ROBO2: variants seen among roughly 807,000 people sequenced by gnomAD.
The protein encoded by ROBO2 is roundabout homolog 2.
Under a neutral mutation model 160.8 loss-of-function variants are expected in ROBO2, and 53 were observed. The observed-to-expected ratio is 0.33, with a 90% CI of 0.26 to 0.41. The LOEUF is 0.41. Ranked by LOEUF, ROBO2 falls within the 10% of genes least tolerant of loss-of-function variation. The pLI is 1.00. For missense variants in ROBO2, 1,577 were observed against 1,722.4 expected (o/e 0.92, Z 1.49); for synonymous variants, 664 against 611.7 (o/e 1.09, Z -1.26).
chr3:76,168,110 G>A (rs1041951380), intron 2 of ROBO2, among the ~76,000 whole-genome samples: 2 of 152,158 alleles, frequency 1.3e-5, no homozygotes, highest in East Asian at 3.9e-4. Flanking sequence ...ACTGCTGAAA[G>A]AAAGAAACCT....
At chr3:76,199,688 A>G (rs1288544597) in intron 2 of ROBO2, among the ~76,000 whole-genome samples, 1 of 152,174 alleles carries the variant, frequency 6.6e-6, no homozygotes, top group African/African-American at 2.4e-5. Flanking sequence ...AAAATGATCA[A>G]CACTCTGTCA....
chr3:77,583,152 CA>C (rs56827523), intron 16 of ROBO2, among the ~76,000 whole-genome samples: 11,661 of 53,644 alleles, frequency 0.22, 564 homozygotes, highest in Middle Eastern at 0.42. Flanking sequence ...TCTGTCTCTC[CA>C]AAAAAAAAAA....
intron 1 of ROBO2, among the ~76,000 whole-genome samples, chr3:77,096,768 G>A (rs765303879): frequency 2.6e-5 from 4 of 151,880 alleles, no homozygotes; most frequent in African/African-American, 7.3e-5. Flanking sequence ...GATTTCTTAC[G>A]CCCCTTATGG....
intron 2 of ROBO2, among the ~76,000 whole-genome samples, chr3:77,349,027 T>C (rs1217023233): frequency 6.6e-6 from 1 of 152,176 alleles, no homozygotes; most frequent in Non-Finnish European, 1.5e-5. Flanking sequence ...TCCTGTTTCC[T>C]GCCTTGCTTC....
chr3:76,500,801 C>T lies in ROBO2; in HGVS notation c.109+563199C>T, dbSNP rs137934668. On this transcript the variant is annotated intron_variant, in intron 2 of 26. Coordinates refer to the ROBO2 transcript ENST00000487694. ...TTCGCGGTTCAAAATTTTCTGAGAT[C>T]CTTCCCCTTAATTTTGAACAAGGGA... Among the ~76,000 whole-genome samples the T allele has an allele frequency of 2.7e-3, 406 of 152,254 alleles. 1 individual carries two copies. The highest frequency in any genetic ancestry group is 9.6e-3 in the African/African-American group (398 of 41,558).
At chr3:77,159,427 T>C (rs1054080911) in intron 2 of ROBO2, among the ~76,000 whole-genome samples, 1 of 152,160 alleles carries the variant, frequency 6.6e-6, no homozygotes, top group African/African-American at 2.4e-5. Context: ...GGTTCCCTGA[T>C]ACACCTAATG....
chr3:77,154,130 A>AT (rs1204774053), intron 2 of ROBO2, among the ~76,000 whole-genome samples: 1 of 151,544 alleles, frequency 6.6e-6, no homozygotes, highest in East Asian at 2.0e-4. Flanking sequence ...ACTGAAAAAA[A>AT]AACTTGTGAG....
At chr3:76,674,672 G>A in intron 2 of ROBO2, among the ~76,000 whole-genome samples, 1 of 150,952 alleles carries the variant, frequency 6.6e-6, no homozygotes, top group East Asian at 2.0e-4. Context: ...CAAACAAACA[G>A]TGCTTCTCAA....
intron 2 of ROBO2, among the ~76,000 whole-genome samples, chr3:76,796,189 C>G (rs898318097): frequency 1.3e-5 from 2 of 152,030 alleles, no homozygotes; most frequent in African/African-American, 4.8e-5. Flanking sequence ...GAGAGTCAAC[C>G]TGTCCATCGA....
At chr3:76,957,225 T>C (rs913852406) in intron 2 of ROBO2, among the ~76,000 whole-genome samples, 1 of 152,106 alleles carries the variant, frequency 6.6e-6, no homozygotes, top group Non-Finnish European at 1.5e-5. Context: ...TTTTGATTGA[T>C]TATATCCATT....
chr3:77,188,845 G>T (rs1560194121), intron 2 of ROBO2, among the ~76,000 whole-genome samples: 1 of 151,630 alleles, frequency 6.6e-6, no homozygotes, highest in Non-Finnish European at 1.5e-5. Flanking sequence ...TAGAATAAAA[G>T]GGATTATTTT....
intron 2 of ROBO2, among the ~76,000 whole-genome samples, chr3:76,403,092 A>G (rs944976252): frequency 1.3e-5 from 2 of 151,556 alleles, no homozygotes; most frequent in Admixed American, 6.6e-5. Context: ...TGGAATGTAC[A>G]AAGAACTGGA....
intron 2 of ROBO2, among the ~76,000 whole-genome samples, chr3:76,804,059 A>G (rs1182650995): frequency 6.6e-6 from 1 of 152,244 alleles, no homozygotes; most frequent in Non-Finnish European, 1.5e-5. Flanking sequence ...TTATTCATTC[A>G]GCAGATATTT....
At chr3:76,932,164 T>C (rs2077389138) in intron 2 of ROBO2, among the ~76,000 whole-genome samples, 1 of 152,174 alleles carries the variant, frequency 6.6e-6, no homozygotes, top group African/African-American at 2.4e-5. Context: ...TCTAGTAGCA[T>C]TCTTGCTTTG....
chr3:76,626,196 GT>G (rs2089628982), intron 2 of ROBO2, among the ~76,000 whole-genome samples: 2 of 152,202 alleles, frequency 1.3e-5, no homozygotes, highest in Admixed American at 6.5e-5. Flanking sequence ...TCATAAAATG[GT>G]TTTGAGGGAG....
intron 2 of ROBO2, among the ~76,000 whole-genome samples, chr3:76,021,928 T>C (rs78051586): frequency 6.6e-6 from 1 of 151,408 alleles, no homozygotes; most frequent in Non-Finnish European, 1.5e-5. Flanking sequence ...TTTTTTTTTT[T>C]GGTAGCATGT....
intron 2 of ROBO2, among the ~76,000 whole-genome samples, chr3:75,988,087 T>C (rs2065463139): frequency 6.6e-6 from 1 of 152,096 alleles, no homozygotes; most frequent in Admixed American, 6.6e-5. Flanking sequence ...TTGGAAATGT[T>C]TATGAAGGAC....
intron 2 of ROBO2, among the ~76,000 whole-genome samples, chr3:77,008,869 C>T (rs1481502885): frequency 6.6e-6 from 1 of 152,150 alleles, no homozygotes; most frequent in East Asian, 1.9e-4. Flanking sequence ...TTGTTCATAA[C>T]TTTATCCCTA....
At chr3:77,496,211 T>C (rs942896980) in intron 5 of ROBO2, among the ~76,000 whole-genome samples, 1 of 152,208 alleles carries the variant, frequency 6.6e-6, no homozygotes. Flanking sequence ...ATTTTAAAAA[T>C]ATTAGACAAA....
Sources: gnomAD v4.1 joint callset for allele counts (sites outside exome capture counted in the v4.1 genomes callset) on GRCh38, gnomAD v4.1.1 for gene constraint, MANE v1.5 for transcripts, NCBI Gene and HGNC (gene_info 2026-07-23, HGNC 2026-07-21) for gene names.